The following SLC4A7 variants were observed in gnomAD, a reference collection of about 807,000 sequenced individuals.
SLC4A7 encodes solute carrier family 4 member 7.
A neutral mutation model predicts 137.6 loss-of-function variants in SLC4A7; 51 were observed. The observed-to-expected ratio is 0.37, with a 90% CI of 0.30 to 0.47. The LOEUF (loss-of-function observed/expected upper bound fraction) is 0.47, where lower values mean the gene tolerates loss of function less well. SLC4A7 is among the 20% of genes least tolerant of loss of function. SLC4A7 has a pLI of 1.00. For synonymous variants in SLC4A7, 542 were observed against 518.6 expected (o/e 1.05, Z -0.61); for missense variants, 1,247 against 1,525.4 (o/e 0.82, Z 3.04).
chr3:27,413,068 A>T (rs1485564863), intron 11 of SLC4A7, among the ~76,000 whole-genome samples: 1 of 152,156 alleles, frequency 6.6e-6, no homozygotes, highest in Non-Finnish European at 1.5e-5. Context: ...ATAGACCTTC[A>T]GCTAATAACA....
chr3:27,431,996 A>C (rs947465999), intron 6 of SLC4A7, among the ~76,000 whole-genome samples: 4 of 152,200 alleles, frequency 2.6e-5, no homozygotes, highest in African/African-American at 9.6e-5. Context: ...TGCTTAAACA[A>C]TAAATAGCAA....
chr3:27,387,746 A>T (rs892641564), intron 22 of SLC4A7, among the ~76,000 whole-genome samples: 1 of 152,164 alleles, frequency 6.6e-6, no homozygotes, highest in African/African-American at 2.4e-5. Flanking sequence ...ACACCATGTG[A>T]CAACAAAGGC....
intron 1 of SLC4A7, among the ~76,000 whole-genome samples, chr3:27,459,526 C>A (rs1187800882): frequency 6.6e-6 from 1 of 152,170 alleles, no homozygotes; most frequent in Non-Finnish European, 1.5e-5. Context: ...CACACACAAA[C>A]ATCTCATTTG....
At chr3:27,435,819 T>C (rs562657779) in intron 5 of SLC4A7, among the ~76,000 whole-genome samples, 121 of 152,196 alleles carry the variant, frequency 8.0e-4, no homozygotes, top group Middle Eastern at 3.4e-3. Flanking sequence ...CCATCCAGCC[T>C]GGATGACAGT....
At chr3:27,401,203 G>C (rs1309132295) in intron 15 of SLC4A7, among the ~76,000 whole-genome samples, 1 of 152,128 alleles carries the variant, frequency 6.6e-6, no homozygotes, top group African/African-American at 2.4e-5. Flanking sequence ...AACCTCCATA[G>C]CAGTTACTGC....
At chr3:27,472,462 G>T (rs2059289463) in intron 1 of SLC4A7, among the ~76,000 whole-genome samples, 1 of 151,468 alleles carries the variant, frequency 6.6e-6, no homozygotes, top group Non-Finnish European at 1.5e-5. Flanking sequence ...GCGACAGAAT[G>T]AGACTCCATC....
At chr3:27,424,551 T>C (rs1457048361) in intron 7 of SLC4A7, 2 of 153,664 alleles carry the variant, frequency 1.3e-5, no homozygotes, top group East Asian at 3.8e-4. Flanking sequence ...TTAGCATGCT[T>C]TCAACAATAA....
chr3:27,399,030 G>C lies in SLC4A7; in HGVS notation c.2428-677C>G, dbSNP rs191529657. ...AGGGAAAAAAAAAAAAAACTGAAAG[G>C]CAATCAGAGATTAATAGAAGCACAT... On this transcript the variant is annotated intron_variant, in intron 16 of 25. Coordinates refer to ENST00000454389, the MANE Select transcript of SLC4A7 (RefSeq NM_001321103.2). Among the ~76,000 whole-genome samples, 314 of 149,922 alleles carry C rather than the reference G, an allele frequency of 2.1e-3. 1 individual carries two copies. The highest frequency in any genetic ancestry group is 1.1e-3 in the Non-Finnish European group (72 of 67,632).
chr3:27,376,665 C>T lies in SLC4A7; in HGVS notation c.*99G>A. The stretch of plus-strand genomic sequence containing the variant: ...TACTTTTAAAAACCCGGTAGTCACA[C>T]ATAAACAGCATGACATACAATATTC... On this transcript the variant is annotated 3_prime_UTR_variant, in exon 26 of 26. Coordinates refer to ENST00000454389, the MANE Select transcript of SLC4A7 (RefSeq NM_001321103.2). 1 of 722,658 alleles carries T rather than the reference C, an allele frequency of 1.4e-6. No individual in the cohort carries two copies. Among genetic ancestry groups the T allele is most frequent in the Non-Finnish European group, 2.3e-6 (1 of 428,814 alleles). The allele number at this position is 722,658 out of a possible 1,614,324, so 44.8% of individuals were successfully genotyped here. A position where few individuals can be genotyped will look rare whatever the true frequency, so the allele number is the denominator to read the frequency against.
At chr3:27,474,363 A>C (rs57317249) in intron 1 of SLC4A7, among the ~76,000 whole-genome samples, 33,237 of 152,186 alleles carry the variant, frequency 0.22, 3,734 homozygotes, top group Non-Finnish European at 0.25. Flanking sequence ...TAAAAACAGT[A>C]TAAAGCTAGT....
At chr3:27,451,335 T>C (rs1026836689) in intron 2 of SLC4A7, among the ~76,000 whole-genome samples, 17 of 152,062 alleles carry the variant, frequency 1.1e-4, no homozygotes, top group Non-Finnish European at 2.5e-4. Context: ...AAAATGTCTA[T>C]CAAAATATTT....
chr3:27,477,996 A>T (rs1389060142), intron 1 of SLC4A7, among the ~76,000 whole-genome samples: 1 of 152,162 alleles, frequency 6.6e-6, no homozygotes, highest in Non-Finnish European at 1.5e-5. Flanking sequence ...ATCTACTGTC[A>T]AAAGTATAAC....
chr3:27,402,932 CAAAA>C (rs34208185), intron 15 of SLC4A7, among the ~76,000 whole-genome samples: 5,237 of 152,044 alleles, frequency 0.034, 103 homozygotes, highest in East Asian at 0.066. Flanking sequence ...TCTCAGTGAA[CAAAA>C]AATACTGAAT....
At chr3:27,387,708 A>T (rs1160458025) in intron 22 of SLC4A7, among the ~76,000 whole-genome samples, 1 of 152,196 alleles carries the variant, frequency 6.6e-6, no homozygotes, top group Non-Finnish European at 1.5e-5. Context: ...TCAGAATATG[A>T]ACTTATTTGG....
At chr3:27,420,610 C>A (rs1016300071) in intron 10 of SLC4A7, 90 bp downstream of exon 10, 9 of 770,050 alleles carry the variant, frequency 1.2e-5, no homozygotes, top group Non-Finnish European at 1.8e-5. Flanking sequence ...TAGAGCTTCA[C>A]TATGAAAGAA....
chr3:27,378,842 C>A (rs1242873039), intron 25 of SLC4A7, among the ~76,000 whole-genome samples: 1 of 152,102 alleles, frequency 6.6e-6, no homozygotes, highest in Admixed American at 6.5e-5. Context: ...GGTTTCTGAT[C>A]TTTTTTATGT....
At chr3:27,382,502 T>G (rs1190866905) in intron 24 of SLC4A7, among the ~76,000 whole-genome samples, 2 of 152,190 alleles carry the variant, frequency 1.3e-5, no homozygotes, top group African/African-American at 4.8e-5. Flanking sequence ...GGTTAATCTT[T>G]TAAAACTACA....
chr3:27,405,054 A>C, intron 13 of SLC4A7, 91 bp from the exon 14 acceptor site: 1 of 799,308 alleles, frequency 1.3e-6, no homozygotes, highest in Middle Eastern at 2.8e-4. Context: ...TGGAAAATAA[A>C]AATACCCATC....
intron 11 of SLC4A7, among the ~76,000 whole-genome samples, chr3:27,416,320 T>C (rs1559707881): frequency 6.6e-6 from 1 of 152,224 alleles, no homozygotes; most frequent in South Asian, 2.1e-4. Context: ...GTATTTACTA[T>C]AGTTAATTTT....
Sources: allele counts gnomAD v4.1 joint callset (sites outside exome capture counted in the v4.1 genomes callset), GRCh38; gene constraint gnomAD v4.1.1; transcripts MANE v1.5; gene names NCBI Gene and HGNC (gene_info 2026-07-23, HGNC 2026-07-21).